The following FGD5 variants were observed in gnomAD, a reference collection of about 807,000 sequenced individuals.
The protein encoded by FGD5 is FYVE, RhoGEF and PH domain-containing protein 5.
A neutral mutation model predicts 133.4 loss-of-function variants in FGD5; 28 were observed. The ratio of observed to expected loss-of-function variants is 0.21; its 90% CI spans 0.16 to 0.29. FGD5 has a LOEUF of 0.29. FGD5 is among the 10% of genes least tolerant of loss of function. FGD5 has a pLI of 1.00. For synonymous variants in FGD5, 810 were observed against 776.5 expected (o/e 1.04, Z -0.72); for missense variants, 1,858 against 1,895.2 (o/e 0.98, Z 0.36).
At chr3:14,912,905 G>A (rs765502474) in intron 11 of FGD5, among the ~76,000 whole-genome samples, 2 of 152,070 alleles carry the variant, frequency 1.3e-5, no homozygotes, top group Admixed American at 6.5e-5. Flanking sequence ...GCATGGTGGC[G>A]TGTCCCTGTA....
rs565925742 is a variant in FGD5 at position 14,922,683 on chromosome 3, G to A, written c.3807+135G>A. 3.6e-5 allele frequency: 44 copies of A among 1,227,020 alleles called. No homozygotes were observed. Among genetic ancestry groups the A allele is most frequent in the African/African-American group, 1.5e-4 (10 of 66,504 alleles). The allele number at this position is 1,227,020 out of a possible 1,614,324, so 76.0% of individuals were successfully genotyped here. ...GAGTGAGGCATGTTCACACCAACCC[G>A]AGAGGAACAGATTGCTAATTCCCAT... On this transcript the variant is annotated intron_variant, in intron 15 of 19. Transcript: ENST00000285046. The surrounding 1 kb of genome is among the most constrained non-coding windows in gnomAD (Gnocchi z 4.1).
chr3:14,883,062 G>A (rs531148374), intron 4 of FGD5, among the ~76,000 whole-genome samples: 2 of 152,254 alleles, frequency 1.3e-5, no homozygotes, highest in African/African-American at 4.8e-5. Flanking sequence ...TGTTGGGGGC[G>A]CGGAGTGGCC....
intron 1 of FGD5, chr3:14,811,338 C>G (rs1461175502): frequency 6.6e-6 from 1 of 152,464 alleles, no homozygotes; most frequent in East Asian, 1.9e-4. Flanking sequence ...CAGTTCCCAG[C>G]CCTTCAGTAC....
At position 14,886,430 on chromosome 3, in the gene FGD5, A is replaced by C. The variant is rs529655865; in HGVS notation, c.2748+5658A>C. On this transcript the variant is annotated intron_variant, in intron 4 of 19. Coordinates refer to ENST00000285046, the MANE Select transcript of FGD5 (RefSeq NM_152536.4). ...GCTCTTCCCATGGCGATGGCAGGAG[A>C]AACAGCAGAGGGCTTCTTAGAATCA... 3.9e-5 allele frequency among the ~76,000 whole-genome samples: 6 copies of C among 152,298 alleles called. No homozygotes were observed. In the South Asian group the frequency reaches 1.2e-3, roughly 32 times the overall value.
At chr3:14,842,077 C>A (rs2036934540) in intron 1 of FGD5, among the ~76,000 whole-genome samples, 1 of 152,260 alleles carries the variant, frequency 6.6e-6, no homozygotes, top group Non-Finnish European at 1.5e-5. Context: ...AACTACACGT[C>A]CCCATGTTGA....
chr3:14,878,858 C>G (rs1202705999), intron 2 of FGD5, among the ~76,000 whole-genome samples: 1 of 152,126 alleles, frequency 6.6e-6, no homozygotes, highest in African/African-American at 2.4e-5. Context: ...AGGCGCCCAC[C>G]ACCATGCCCG....
intron 18 of FGD5, among the ~76,000 whole-genome samples, chr3:14,929,591 C>A (rs538848790): frequency 6.6e-6 from 1 of 152,158 alleles, no homozygotes; most frequent in African/African-American, 2.4e-5. Flanking sequence ...TTAGATTTCC[C>A]TAGTAACTAC....
Position 14,923,054 on chromosome 3 carries a change from C to T in FGD5, c.3816C>T (p.Cys1272=). 6.2e-7 allele frequency: 1 copy of T among 1,613,806 alleles called. No homozygotes were observed. The highest frequency in any genetic ancestry group is 8.5e-7 in the Non-Finnish European group (1 of 1,179,832). Residue 1272 remains cysteine, a synonymous_variant, in exon 16 of 20, where the codon TGC becomes TGT. Coordinates refer to ENST00000285046, the MANE Select transcript of FGD5 (RefSeq NM_152536.4). The stretch of plus-strand genomic sequence containing the variant: ...CCCACCTGGGCCTGCAGATCGTGTG[C>T]CGGAACTGTTCGCGGAACAAGTACC... ...HHCHACGKIV[C]RNCSRNKYPL...
intron 4 of FGD5, among the ~76,000 whole-genome samples, chr3:14,890,810 G>C (rs902677362): frequency 6.6e-6 from 1 of 152,150 alleles, no homozygotes; most frequent in Non-Finnish European, 1.5e-5. Flanking sequence ...AAATACAGCC[G>C]GTCTTGTCTT....
Position 14,927,464 on chromosome 3 carries a change from A to AAATG in FGD5, c.4197+1292_4197+1295dup, listed in dbSNP as rs144691501. 2.3e-3 allele frequency among the ~76,000 whole-genome samples: 349 copies of AAATG among 152,218 alleles called. 1 individual carries two copies. The highest frequency in any genetic ancestry group is 6.4e-3 in the African/African-American group (264 of 41,488). ...TGAAACCCTATCTCAACGAAAAATA[A>AAATG]AATGAATGAATGAATGAATGAATGA... is the stretch of plus-strand genomic sequence containing the variant. On this transcript the variant is annotated intron_variant, in intron 18 of 19. Coordinates refer to ENST00000285046, the MANE Select transcript of FGD5 (RefSeq NM_152536.4).
chr3:14,854,580 T>A (rs2037238818), intron 1 of FGD5, among the ~76,000 whole-genome samples: 1 of 151,892 alleles, frequency 6.6e-6, no homozygotes, highest in African/African-American at 2.4e-5. Context: ...TGCACCTAGC[T>A]AGTTTTTTAA....
rs545861931 is a variant in FGD5, at chr3:14,820,383, G to C, written c.1312G>C (p.Gly438Arg). The C allele has an allele frequency of 3.7e-6, 6 of 1,613,716 alleles. No individual in the cohort carries two copies. The highest frequency in any genetic ancestry group is 5.1e-6 in the Non-Finnish European group (6 of 1,179,830). ...NPYVMGVGLP[G>R]QAAPGEGGQA... Reference sequence around the variant, plus strand: ...CTATGTGATGGGAGTGGGCCTGCCCGGTCAGGCGGCCCCTGGAGAAGGAGG... The same window carrying C: ...CTATGTGATGGGAGTGGGCCTGCCCCGTCAGGCGGCCCCTGGAGAAGGAGG... Residue 438 changes from glycine to arginine, a missense_variant, in exon 1 of 20, where the codon GGT becomes CGT. Gly to Arg is a moderately radical substitution (Grantham distance 125). This residue lies in a region of FGD5 where 1,824 missense variants were observed against 1,848.9 expected (regional missense o/e 0.99). Coordinates refer to ENST00000285046, the MANE Select transcript of FGD5 (RefSeq NM_152536.4).
rs1387238663 is a variant in FGD5 at position 14,844,213 on chromosome 3, AAAAAATATATATAT to A, written c.2526-19913_2526-19900del. ...ACATCTTAATAGGCATTAAAAAAAA[AAAAAATATATATAT>A]ATATATATATATATATATATATATA... On this transcript the variant is annotated intron_variant, in intron 1 of 19. Transcript: ENST00000285046. 6.4e-4 allele frequency among the ~76,000 whole-genome samples: 21 copies of A among 32,648 alleles called. 1 individual carries two copies. Among genetic ancestry groups the A allele is most frequent in the Admixed American group, 3.1e-3 (7 of 2,242 alleles). The allele number at this position is 32,648 out of a possible 152,430, so 21.4% of individuals were successfully genotyped here. A position where few individuals can be genotyped will look rare whatever the true frequency, so the allele number is the denominator to read the frequency against.
At chr3:14,852,860 G>A (rs2037193600) in intron 1 of FGD5, among the ~76,000 whole-genome samples, 2 of 152,180 alleles carry the variant, frequency 1.3e-5, no homozygotes, top group African/African-American at 4.8e-5. Context: ...ACACGACGAG[G>A]CACCAGGCAG....
intron 1 of FGD5, among the ~76,000 whole-genome samples, chr3:14,844,239 T>A (rs867475760): frequency 0.017 from 649 of 39,156 alleles, 65 homozygotes; most frequent in South Asian, 0.066. Flanking sequence ...TATATATATA[T>A]ATATATATAT....
intron 2 of FGD5, among the ~76,000 whole-genome samples, chr3:14,869,020 C>T (rs2037554327): frequency 6.6e-6 from 1 of 152,164 alleles, no homozygotes; most frequent in African/African-American, 2.4e-5. Flanking sequence ...GGCAGCCAGG[C>T]ACGGTGGCTC....
intron 2 of FGD5, among the ~76,000 whole-genome samples, chr3:14,875,946 C>T (rs968909896): frequency 6.6e-6 from 1 of 151,876 alleles, no homozygotes; most frequent in South Asian, 2.1e-4. Context: ...GCTTTGGGGG[C>T]GAGGAGCTTG....
rs1346157947 is a variant in FGD5 at position 14,918,801 on chromosome 3, G to A, written c.3537G>A (p.Glu1179=). The A allele has an allele frequency of 6.2e-7, 1 of 1,613,984 alleles. No individual in the cohort carries two copies. The highest frequency in any genetic ancestry group is 1.3e-5 in the African/African-American group (1 of 75,052). ...AAGTGCCCTACGCTCTAAAGATTGAGACTTCCGAGTCCTGCCTGATGCTGT... is the reference window on the plus strand; with the variant it reads ...AAGTGCCCTACGCTCTAAAGATTGAAACTTCCGAGTCCTGCCTGATGCTGT... The part of the protein sequence containing the change: ...MEKVPYALKI[E]TSESCLMLSA... Residue 1179 remains glutamate (E), a synonymous_variant, in exon 13 of 20, where the codon GAG becomes GAA. Coordinates refer to ENST00000285046, the MANE Select transcript of FGD5 (RefSeq NM_152536.4).
At chr3:14,836,397 A>C (rs2036817796) in intron 1 of FGD5, among the ~76,000 whole-genome samples, 1 of 152,210 alleles carries the variant, frequency 6.6e-6, no homozygotes, top group Non-Finnish European at 1.5e-5. Flanking sequence ...GCTTAGCAAC[A>C]TCAGAGAACT....
Sources: gnomAD v4.1 joint callset for allele counts (sites outside exome capture counted in the v4.1 genomes callset) on GRCh38, gnomAD v4.1.1 for gene constraint, gnomAD v4.1.1 regional missense constraint, Gnocchi (gnomAD v3.1) non-coding constraint, MANE v1.5 for transcripts, NCBI Gene and HGNC (gene_info 2026-07-23, HGNC 2026-07-21) for gene names.